PDK3: variants seen among roughly 807,000 people sequenced by gnomAD.
PDK3 encodes pyruvate dehydrogenase kinase, isozyme 3.
PDK3 carries 12 observed loss-of-function variants against 32.0 expected under a neutral mutation model. The observed-to-expected ratio is 0.37, with a 90% CI of 0.24 to 0.61. The LOEUF (loss-of-function observed/expected upper bound fraction) is 0.61. Ranked by LOEUF, PDK3 falls within the 20% of genes least tolerant of loss-of-function variation. The pLI is 0.65. For synonymous variants in PDK3, 122 were observed against 116.3 expected (o/e 1.05, Z -0.31); for missense variants, 188 against 316.9 (o/e 0.59, Z 3.09).
At chrX:24,492,262 T>C (rs930612201) in intron 1 of PDK3, among the ~76,000 whole-genome samples, 2 of 112,029 alleles carry the variant, frequency 1.8e-5, no homozygotes, top group Non-Finnish European at 3.8e-5. Flanking sequence ...TACATCCTGA[T>C]GAATCCATCA....
intron 1 of PDK3, among the ~76,000 whole-genome samples, chrX:24,494,187 C>G (rs774695936): frequency 2.7e-5 from 3 of 112,057 alleles, no homozygotes; most frequent in South Asian, 7.5e-4. Context: ...ACATGCCAAC[C>G]CTGTGTCTCA....
chrX:24,543,936 T>C lies in PDK3; in HGVS notation c.*4772T>C, dbSNP rs1247067050. Among the ~76,000 whole-genome samples, 4 of 111,802 alleles carry C rather than the reference T, an allele frequency of 3.6e-5. No individual in the cohort carries two copies. The East Asian group carries it at 1.1e-3, about 31-fold the overall frequency. ...TTCTTGTATTGTTTTGCTTTTATCT[T>C]GATGCACAAGTATCATGATGACCCC... On this transcript the variant is annotated 3_prime_UTR_variant, in exon 12 of 12. Transcript: ENST00000568479.
intron 9 of PDK3, among the ~76,000 whole-genome samples, chrX:24,530,885 T>C (rs1373958479): frequency 9.0e-6 from 1 of 111,502 alleles, no homozygotes; most frequent in Non-Finnish European, 1.9e-5. Flanking sequence ...TCTCAGAAAA[T>C]TGTTTTCCTT....
intron 1 of PDK3, among the ~76,000 whole-genome samples, chrX:24,470,668 CA>C: frequency 1.8e-5 from 1 of 56,233 alleles, no homozygotes; most frequent in African/African-American, 7.7e-5. Flanking sequence ...GCCTGGGTGA[CA>C]AGAGTGAAAC....
chrX:24,496,464 A>T (rs758728114), intron 2 of PDK3, among the ~76,000 whole-genome samples: 2 of 109,809 alleles, frequency 1.8e-5, no homozygotes, highest in Non-Finnish European at 3.8e-5. Context: ...GAAAACCACA[A>T]TGTGATCATC....
Position 24,505,252 on chromosome X carries a change from C to T in PDK3, c.549C>T (p.His183=). Residue 183 remains histidine (H), a synonymous_variant, in exon 5 of 11, where the codon CAC becomes CAT. Coordinates refer to ENST00000379162, the MANE Select transcript of PDK3 (RefSeq NM_005391.5). ...ACACTAATCCTGTTCATCCTAAACA[C>T]ATAGGAAGTATCGATCCCACCTGTA... ...GGDTNPVHPK[H]IGSIDPTCNV... 2 of 1,207,480 alleles carry T rather than the reference C, an allele frequency of 1.7e-6. No homozygotes were observed. Among genetic ancestry groups the T allele is most frequent in the Non-Finnish European group, 2.2e-6 (2 of 892,191 alleles).
chrX:24,494,594 C>T (rs1335244558), intron 1 of PDK3, 148 bp from the exon 2 acceptor site: 4 of 362,581 alleles, frequency 1.1e-5, no homozygotes, highest in African/African-American at 2.7e-5. Context: ...CTTGAACTTG[C>T]TATTTCAAAG....
chrX:24,523,441 A>G (rs908545181), intron 6 of PDK3, among the ~76,000 whole-genome samples: 3 of 112,528 alleles, frequency 2.7e-5, no homozygotes, highest in African/African-American at 9.7e-5. Flanking sequence ...AGAAGCAGCC[A>G]CAGGGGAGGA....
chrX:24,539,439 G>A (rs1010448096), exon 12 of PDK3: 4 of 311,181 alleles, frequency 1.3e-5, no homozygotes, highest in African/African-American at 8.0e-5. Flanking sequence ...CAGCTCTTGT[G>A]CCCTCGTACT....
intron 1 of PDK3, among the ~76,000 whole-genome samples, chrX:24,492,558 C>T (rs919304891): frequency 9.0e-6 from 1 of 111,419 alleles, no homozygotes; most frequent in Non-Finnish European, 1.9e-5. Context: ...CACTGCACTC[C>T]AGCCTGGGTG....
intron 6 of PDK3, among the ~76,000 whole-genome samples, chrX:24,524,213 C>T (rs769586588): frequency 3.7e-4 from 41 of 112,233 alleles, no homozygotes; most frequent in Non-Finnish European, 6.8e-4. Context: ...CATTCTAGAA[C>T]TTCAATCAAA....
chrX:24,478,692 A>C (rs1435414733), intron 1 of PDK3, among the ~76,000 whole-genome samples: 1 of 112,225 alleles, frequency 8.9e-6, no homozygotes, highest in East Asian at 2.8e-4. Context: ...GAAAAATTGT[A>C]GTAAACTATT....
intron 5 of PDK3, among the ~76,000 whole-genome samples, chrX:24,511,178 T>C (rs148240686): frequency 8.9e-6 from 1 of 112,193 alleles, no homozygotes; most frequent in Non-Finnish European, 1.9e-5. Context: ...CCCTGCCAAG[T>C]GTTGCCAAGG....
intron 1 of PDK3, among the ~76,000 whole-genome samples, chrX:24,491,532 A>T (rs1159255633): frequency 1.8e-5 from 2 of 110,741 alleles, no homozygotes; most frequent in East Asian, 5.7e-4. Flanking sequence ...GGCCAGCATG[A>T]TAAGATATCG....
At chrX:24,470,768 T>A (rs1222850067) in intron 1 of PDK3, among the ~76,000 whole-genome samples, 2 of 108,194 alleles carry the variant, frequency 1.8e-5, no homozygotes, top group Non-Finnish European at 3.8e-5. Context: ...TCAGTTTGGA[T>A]AGCTGAGATA....
intron 6 of PDK3, among the ~76,000 whole-genome samples, chrX:24,523,238 C>A (rs1440148780): frequency 8.9e-6 from 1 of 112,211 alleles, no homozygotes; most frequent in Non-Finnish European, 1.9e-5. Context: ...TTAATCCCAT[C>A]CATAAGGGCT....
At chrX:24,511,507 G>A (rs1922116653) in intron 5 of PDK3, among the ~76,000 whole-genome samples, 1 of 108,531 alleles carries the variant, frequency 9.2e-6, no homozygotes, top group African/African-American at 3.5e-5. Flanking sequence ...CTGTGTGGGC[G>A]TCTGTGTGTG....
intron 7 of PDK3, among the ~76,000 whole-genome samples, chrX:24,526,532 A>G (rs1483517768): frequency 8.9e-6 from 1 of 112,198 alleles, no homozygotes; most frequent in Non-Finnish European, 1.9e-5. Flanking sequence ...TGTAAAATCC[A>G]TACTGTTTTT....
At chrX:24,521,808 G>A (rs1340966922) in intron 6 of PDK3, among the ~76,000 whole-genome samples, 1 of 111,838 alleles carries the variant, frequency 8.9e-6, no homozygotes. Flanking sequence ...GCCCCCTTTC[G>A]ATCATGTTTT....
Sources: allele counts gnomAD v4.1 joint callset (sites outside exome capture counted in the v4.1 genomes callset), GRCh38; gene constraint gnomAD v4.1.1; transcripts MANE v1.5; gene names NCBI Gene and HGNC (gene_info 2026-07-23, HGNC 2026-07-21).